DNAAF9: variants seen among roughly 807,000 people sequenced by gnomAD.
DNAAF9 encodes dynein axonemal assembly factor 9.
In DNAAF9, 90 loss-of-function variants were observed where a neutral mutation model predicts 167.0. The ratio of observed to expected loss-of-function variants is 0.54; its 90% CI spans 0.45 to 0.64. DNAAF9 has a LOEUF of 0.64. Among genes scored for constraint, DNAAF9 ranks in the 30% least tolerant of loss-of-function variants. The pLI is 0.00. For synonymous variants in DNAAF9, 491 were observed against 508.8 expected (o/e 0.96, Z 0.47); for missense variants, 1,315 against 1,442.2 (o/e 0.91, Z 1.43).
At chr20:3,355,194 T>C (rs1365192723) in intron 7 of DNAAF9, among the ~76,000 whole-genome samples, 1 of 152,242 alleles carries the variant, frequency 6.6e-6, no homozygotes, top group Non-Finnish European at 1.5e-5. Context: ...TTTTTCATAA[T>C]TAGGTTCGCC....
chr20:3,347,887 A>C (rs192359566), intron 8 of DNAAF9, among the ~76,000 whole-genome samples: 1 of 152,180 alleles, frequency 6.6e-6, no homozygotes, highest in African/African-American at 2.4e-5. Flanking sequence ...ATGCCACTGC[A>C]CTCCAGCCTG....
At chr20:3,363,825 T>A (rs765017264) in intron 6 of DNAAF9, among the ~76,000 whole-genome samples, 27 of 152,240 alleles carry the variant, frequency 1.8e-4, no homozygotes, top group Non-Finnish European at 3.1e-4. Flanking sequence ...AATTCACTCA[T>A]CTTTTCTTTA....
chr20:3,252,573 T>C lies in DNAAF9; in HGVS notation c.3533A>G (p.Ter1178TrpextTer55). ...EYHDLFELKP* is the reference protein window; with the variant it reads ...EYHDLFELKPW ...AGGACGTACGGGCCCAGCCTTCCTC[T>C]AGGGCTTCAGCTCAAAGAGGTCATG... is the stretch of plus-strand genomic sequence containing the variant. The change falls in exon 37 of 37, where the codon TAG becomes TGG. Residue 1178 changes from the stop codon to tryptophan, a stop_lost. Coordinates refer to ENST00000252032, the MANE Select transcript of DNAAF9 (RefSeq NM_001009984.3). The C allele has an allele frequency of 6.5e-7, 1 of 1,547,552 alleles. No individual in the cohort carries two copies. The highest frequency in any genetic ancestry group is 8.9e-7 in the Non-Finnish European group (1 of 1,119,160).
In DNAAF9 at chr20:3,285,681, T is replaced by TA. The variant is rs774457454; in HGVS notation, c.2486+1950dup. 3.1e-3 allele frequency among the ~76,000 whole-genome samples: 323 copies of TA among 103,838 alleles called. 3 individuals carry two copies. The highest frequency in any genetic ancestry group is 2.6e-3 in the Admixed American group (26 of 10,060). The allele number at this position is 103,838 out of a possible 152,430, so 68.1% of individuals were successfully genotyped here. ...ACGACAGAGTGAGACTCTGTCTCAT[T>TA]AAAAAAAAAAAAAAGGGCCAGGAGC... is the stretch of plus-strand genomic sequence containing the variant. On this transcript the variant is annotated intron_variant, in intron 27 of 36. Coordinates refer to ENST00000252032, the MANE Select transcript of DNAAF9 (RefSeq NM_001009984.3).
intron 13 of DNAAF9, 114 bp from the exon 14 acceptor site, chr20:3,325,082 T>C: frequency 2.8e-6 from 2 of 719,578 alleles, no homozygotes; most frequent in Non-Finnish European, 5.1e-6. Flanking sequence ...CCCTACAGTG[T>C]GTCCTTCCCA....
intron 1 of DNAAF9, among the ~76,000 whole-genome samples, chr20:3,384,908 T>C (rs1323498521): frequency 1.3e-5 from 2 of 151,944 alleles, no homozygotes; most frequent in Non-Finnish European, 1.5e-5. Context: ...TCAACACCCA[T>C]TCATAATAAA....
chr20:3,329,433 T>G (rs966759734), intron 12 of DNAAF9, among the ~76,000 whole-genome samples: 18 of 152,164 alleles, frequency 1.2e-4, no homozygotes, highest in African/African-American at 4.3e-4. Context: ...TCCTGGGATT[T>G]CAGGTGAGCC....
chr20:3,272,779 A>T (rs2068616328), intron 29 of DNAAF9, among the ~76,000 whole-genome samples: 1 of 152,172 alleles, frequency 6.6e-6, no homozygotes, highest in East Asian at 1.9e-4. Flanking sequence ...TTCAATGCTC[A>T]TCATCAACCC....
intron 6 of DNAAF9, among the ~76,000 whole-genome samples, chr20:3,366,148 G>A (rs1251058939): frequency 1.3e-5 from 2 of 152,110 alleles, no homozygotes; most frequent in Non-Finnish European, 2.9e-5. Context: ...TTTTGAGAAG[G>A]CTTTCAATTT....
chr20:3,406,643 C>T (rs2084059777), intron 1 of DNAAF9, among the ~76,000 whole-genome samples: 1 of 152,172 alleles, frequency 6.6e-6, no homozygotes, highest in South Asian at 2.1e-4. Flanking sequence ...CTAAAGGGGG[C>T]GGGGAACGCT....
At chr20:3,254,225 T>C (rs1367096559) in intron 35 of DNAAF9, among the ~76,000 whole-genome samples, 6 of 152,102 alleles carry the variant, frequency 3.9e-5, no homozygotes, top group Non-Finnish European at 4.4e-5. Flanking sequence ...ATTACAGGCA[T>C]GCGCCACCAC....
intron 13 of DNAAF9, 56 bp downstream of exon 13, chr20:3,326,141 G>A: frequency 7.9e-7 from 1 of 1,270,930 alleles, no homozygotes. Context: ...CACATGGATA[G>A]AATGTTTTAC....
At chr20:3,253,478 A>G (rs905040485) in intron 36 of DNAAF9, among the ~76,000 whole-genome samples, 8 of 152,156 alleles carry the variant, frequency 5.3e-5, no homozygotes, top group African/African-American at 1.9e-4. Context: ...CCAAAAAACT[A>G]TAACCCAGAG....
chr20:3,296,430 T>C (rs2069080672), intron 23 of DNAAF9: 2 of 316,370 alleles, frequency 6.3e-6, no homozygotes, highest in East Asian at 7.8e-5. Context: ...CAGGCTGAAG[T>C]GCAATGGCAT....
chr20:3,257,679 G>A (rs1450554552), intron 33 of DNAAF9, among the ~76,000 whole-genome samples: 1 of 151,994 alleles, frequency 6.6e-6, no homozygotes, highest in Non-Finnish European at 1.5e-5. Context: ...AAGTAGCTGG[G>A]ATTAAAGGCA....
chr20:3,295,755 T>G, intron 23 of DNAAF9: 1 of 692,334 alleles, frequency 1.4e-6, no homozygotes, highest in South Asian at 1.3e-5. Context: ...CACTTTATTC[T>G]GGAAGTCCTC....
At chr20:3,352,598 C>T (rs6037568) in intron 7 of DNAAF9, among the ~76,000 whole-genome samples, 38,101 of 151,984 alleles carry the variant, frequency 0.25, 5,380 homozygotes, top group African/African-American at 0.37. Flanking sequence ...CTGTGTGACC[C>T]TGGGCAAGCA....
rs552440746 is a variant in DNAAF9, at chr20:3,296,774, T to C, written c.2018+87A>G. On this transcript the variant is annotated intron_variant, in intron 23 of 36. Transcript: ENST00000252032. ...TGACCCTTTCAGAAGCCAAGACCCC[T>C]GTGTTACATAATGCGAGGCATCCTG... The C allele has an allele frequency of 2.5e-4, 208 of 819,534 alleles. 1 individual carries two copies. In the South Asian group the frequency reaches 3.1e-3, roughly 12 times the overall value. The allele number at this position is 819,534 out of a possible 1,614,324, so 50.8% of individuals were successfully genotyped here.
At chr20:3,303,261 G>GT (rs1299543251) in intron 21 of DNAAF9, among the ~76,000 whole-genome samples, 1 of 151,206 alleles carries the variant, frequency 6.6e-6, no homozygotes, top group Non-Finnish European at 1.5e-5. Flanking sequence ...AAAAAAATCA[G>GT]TAACTGGTCA....
Sources: gnomAD v4.1 joint callset for allele counts (sites outside exome capture counted in the v4.1 genomes callset) on GRCh38, gnomAD v4.1.1 for gene constraint, MANE v1.5 for transcripts, NCBI Gene and HGNC (gene_info 2026-07-23, HGNC 2026-07-21) for gene names.